The following CHCHD3 variants were observed in gnomAD, a reference collection of about 807,000 sequenced individuals.
CHCHD3 encodes MICOS complex subunit MIC19.
In CHCHD3, 20 loss-of-function variants were observed where a neutral mutation model predicts 38.2. That is an observed-to-expected ratio of 0.52 (90% CI 0.37 to 0.76). The LOEUF (loss-of-function observed/expected upper bound fraction) is 0.76, where lower values mean the gene tolerates loss of function less well. Among genes scored for constraint, CHCHD3 ranks in the 30% least tolerant of loss-of-function variants. CHCHD3 has a pLI of 0.00. For missense variants in CHCHD3, 245 were observed against 279.2 expected (o/e 0.88, Z 0.87); for synonymous variants, 82 against 100.0 (o/e 0.82, Z 1.07).
chr7:132,992,801 CT>C (rs1363136102), intron 3 of CHCHD3, among the ~76,000 whole-genome samples: 1 of 151,984 alleles, frequency 6.6e-6, no homozygotes, highest in Non-Finnish European at 1.5e-5. Context: ...TTGTTTTTGC[CT>C]TTTCAGCTCT....
At chr7:133,027,123 G>T (rs1350786775) in intron 2 of CHCHD3, among the ~76,000 whole-genome samples, 2 of 151,678 alleles carry the variant, frequency 1.3e-5, no homozygotes, top group African/African-American at 4.8e-5. Flanking sequence ...ATTTTTGGTA[G>T]AGACGGGATT....
chr7:132,963,320 T>C (rs1229781188), intron 4 of CHCHD3, among the ~76,000 whole-genome samples: 6 of 142,208 alleles, frequency 4.2e-5, no homozygotes, highest in African/African-American at 1.3e-4. Context: ...TTTAAAATTG[T>C]AATTTTTTTT....
At chr7:133,065,023 A>T (rs1814629484) in intron 2 of CHCHD3, among the ~76,000 whole-genome samples, 1 of 152,234 alleles carries the variant, frequency 6.6e-6, no homozygotes, top group African/African-American at 2.4e-5. Flanking sequence ...TTGATTTTTT[A>T]AAATCAAAAG....
chr7:132,883,973 T>G (rs1809141670), intron 5 of CHCHD3, among the ~76,000 whole-genome samples: 1 of 152,198 alleles, frequency 6.6e-6, no homozygotes, highest in Admixed American at 6.5e-5. Flanking sequence ...TTCACTCATG[T>G]TCAAAGCCAT....
intron 3 of CHCHD3, among the ~76,000 whole-genome samples, chr7:133,023,082 T>G (rs961751005): frequency 2.0e-5 from 3 of 152,128 alleles, no homozygotes; most frequent in African/African-American, 7.2e-5. Context: ...TTTTTAAAAA[T>G]TGATTCTGAA....
At position 132,931,516 on chromosome 7, in the gene CHCHD3, A is replaced by C. The variant is rs1810514822; in HGVS notation, c.369+43653T>G. Among the ~76,000 whole-genome samples, 6 of 152,220 alleles carry C rather than the reference A, an allele frequency of 3.9e-5. No homozygotes were observed. The South Asian group carries it at 1.2e-3, about 32-fold the overall frequency. ...GTCACTGTATTGTTTTTCTTATACTAGAACATAAAGCGCTAATCAAAGTAT... is the reference window on the plus strand; with the variant it reads ...GTCACTGTATTGTTTTTCTTATACTCGAACATAAAGCGCTAATCAAAGTAT... On this transcript the variant is annotated intron_variant, in intron 4 of 7. Coordinates refer to ENST00000262570, the MANE Select transcript of CHCHD3 (RefSeq NM_017812.4).
At chr7:132,974,122 C>A (rs1303942611) in intron 4 of CHCHD3, 2 of 908,766 alleles carry the variant, frequency 2.2e-6, no homozygotes, top group Non-Finnish European at 2.9e-6. Flanking sequence ...GAAAAATGTT[C>A]AGTGACATAG....
chr7:132,976,039 G>C (rs1265566263), intron 3 of CHCHD3, among the ~76,000 whole-genome samples: 1 of 152,090 alleles, frequency 6.6e-6, no homozygotes, highest in East Asian at 1.9e-4. Flanking sequence ...CACTGTGCTA[G>C]GCATTGAGGA....
At chr7:132,845,246 T>C (rs1297724495) in intron 5 of CHCHD3, 2 of 152,182 alleles carry the variant, frequency 1.3e-5, no homozygotes, top group South Asian at 4.1e-4. Flanking sequence ...AGGTAATATA[T>C]GTAAAACTCT....
In CHCHD3 at chr7:132,796,451, A is replaced by G. The variant is rs150303959; in HGVS notation, c.651T>C (p.His217=). The change falls in exon 7 of 8, where the codon CAT becomes CAC. Residue 217 remains histidine, a synonymous_variant. Transcript: ENST00000262570. The part of the protein sequence containing the change: ...LATQYMHCVN[H]AKQSMLEKGG ...TGGCTGGCACACCTACCTGTTTGGC[A>G]TGATTGACACAGTGCATATACTGGG... The G allele has an allele frequency of 6.2e-6, 10 of 1,613,600 alleles. No individual in the cohort carries two copies. Among genetic ancestry groups the G allele is most frequent in the Non-Finnish European group, 7.6e-6 (9 of 1,179,740 alleles).
intron 5 of CHCHD3, among the ~76,000 whole-genome samples, chr7:132,884,201 T>C (rs1381101419): frequency 6.6e-6 from 1 of 152,132 alleles, no homozygotes; most frequent in Non-Finnish European, 1.5e-5. Context: ...TCACGCCTGC[T>C]TCACGGTTTT....
intron 1 of CHCHD3, among the ~76,000 whole-genome samples, chr7:133,076,990 A>T (rs912518710): frequency 7.2e-5 from 11 of 152,130 alleles, no homozygotes; most frequent in African/African-American, 2.4e-4. Context: ...TTTGCTTCAC[A>T]ATTACCTTTT....
At chr7:132,966,955 G>GAAGTA (rs1811480564) in intron 4 of CHCHD3, among the ~76,000 whole-genome samples, 1 of 152,162 alleles carries the variant, frequency 6.6e-6, no homozygotes, top group African/African-American at 2.4e-5. Flanking sequence ...TGTTCACAAT[G>GAAGTA]AATGCCACGT....
chr7:133,081,354 G>A (rs1815166264), intron 1 of CHCHD3, among the ~76,000 whole-genome samples: 1 of 152,064 alleles, frequency 6.6e-6, no homozygotes, highest in African/African-American at 2.4e-5. Flanking sequence ...GGGCTGGGAG[G>A]GAGGATGACA....
At chr7:132,979,550 T>G (rs1738822533) in intron 3 of CHCHD3, among the ~76,000 whole-genome samples, 1 of 149,362 alleles carries the variant, frequency 6.7e-6, no homozygotes, top group South Asian at 2.2e-4. Flanking sequence ...TACAGGACAT[T>G]AACTGAGCAA....
chr7:132,825,576 C>A (rs373380923), intron 6 of CHCHD3, among the ~76,000 whole-genome samples: 1 of 152,182 alleles, frequency 6.6e-6, no homozygotes, highest in Non-Finnish European at 1.5e-5. Flanking sequence ...TGGAGAAACA[C>A]TATCAGGAAA....
intron 4 of CHCHD3, among the ~76,000 whole-genome samples, chr7:132,916,989 G>A (rs1409051512): frequency 1.3e-5 from 2 of 152,190 alleles, no homozygotes; most frequent in African/African-American, 4.8e-5. Flanking sequence ...CCACAGGGGG[G>A]TCTTGGAAGG....
At chr7:132,921,962 A>T (rs1810273265) in intron 4 of CHCHD3, among the ~76,000 whole-genome samples, 1 of 152,220 alleles carries the variant, frequency 6.6e-6, no homozygotes, top group Admixed American at 6.5e-5. Context: ...GCAAATGACT[A>T]CCCAAGGATT....
chr7:132,911,450 T>A (rs189630633), intron 4 of CHCHD3, among the ~76,000 whole-genome samples: 2 of 152,162 alleles, frequency 1.3e-5, no homozygotes, highest in African/African-American at 4.8e-5. Context: ...AGAATGCAAA[T>A]GGGTCAAGGC....
Sources: allele counts gnomAD v4.1 joint callset (sites outside exome capture counted in the v4.1 genomes callset), GRCh38; gene constraint gnomAD v4.1.1; transcripts MANE v1.5; gene names NCBI Gene and HGNC (gene_info 2026-07-23, HGNC 2026-07-21).